AFG1L: variants seen among roughly 807,000 people sequenced by gnomAD.
AFG1L encodes AFG1 like ATPase.
AFG1L carries 53 observed loss-of-function variants against 62.2 expected under a neutral mutation model. The ratio of observed to expected loss-of-function variants is 0.85; its 90% confidence interval spans 0.68 to 1.07. The LOEUF (loss-of-function observed/expected upper bound fraction) is 1.07, where lower values mean the gene tolerates loss of function less well. Among genes scored for constraint, AFG1L ranks in the 50% least tolerant of loss-of-function variants. The pLI is 0.00. For synonymous variants in AFG1L, 228 were observed against 210.3 expected, an observed-to-expected ratio of 1.08 and a Z score of -0.73; for missense variants, 555 against 590.5, an observed-to-expected ratio of 0.94 and a Z score of 0.62.
intron 2 of AFG1L, among the ~76,000 whole-genome samples, chr6:108,327,827 C>A (rs1778114461): frequency 6.6e-6 from 1 of 152,204 alleles, no homozygotes; most frequent in Non-Finnish European, 1.5e-5. Flanking sequence ...GAGTAAGGAT[C>A]TCATAGGCCA....
At chr6:108,393,533 A>C (rs1781151206) in intron 6 of AFG1L, among the ~76,000 whole-genome samples, 1 of 152,144 alleles carries the variant, frequency 6.6e-6, no homozygotes, top group African/African-American at 2.4e-5. Flanking sequence ...TGTAAGACTT[A>C]AAGGCATTGG....
intron 1 of AFG1L, among the ~76,000 whole-genome samples, chr6:108,307,945 A>G (rs1383223454): frequency 1.3e-5 from 2 of 152,044 alleles, no homozygotes; most frequent in Non-Finnish European, 2.9e-5. Context: ...ACTTTTTTAT[A>G]TATTTACTGG....
intron 7 of AFG1L, among the ~76,000 whole-genome samples, chr6:108,441,678 A>G (rs1771551152): frequency 6.8e-6 from 1 of 147,388 alleles, no homozygotes; most frequent in Non-Finnish European, 1.5e-5. Context: ...AAGTGAATGA[A>G]ATCTGAAAAT....
intron 10 of AFG1L, among the ~76,000 whole-genome samples, chr6:108,484,239 T>C (rs757935746): frequency 6.6e-6 from 1 of 152,222 alleles, no homozygotes; most frequent in Non-Finnish European, 1.5e-5. Flanking sequence ...ATTGCTGATC[T>C]GTGTATGCTC....
At position 108,391,773 on chromosome 6, in the gene AFG1L, G is replaced by A. The variant is rs117675256; in HGVS notation, c.749-10223G>A. Among the ~76,000 whole-genome samples, 154 of 152,230 alleles carry A rather than the reference G, an allele frequency of 1.0e-3. 3 individuals are homozygous for A. The East Asian group carries it at 0.027, about 27-fold the overall frequency. On this transcript the variant is annotated intron_variant, in intron 6 of 12. Transcript: ENST00000368977. ...TTTTTTGGATGAAACATTTTAAAAA[G>A]CCATGCAACAGAATGCGTTTCTAGA... is the stretch of plus-strand genomic sequence containing the variant.
chr6:108,350,766 T>C (rs1260310148), intron 3 of AFG1L, among the ~76,000 whole-genome samples: 1 of 152,214 alleles, frequency 6.6e-6, no homozygotes. Flanking sequence ...TACATTTTGC[T>C]TATCAGCCCC....
At chr6:108,479,667 G>C (rs1773255551) in intron 10 of AFG1L, among the ~76,000 whole-genome samples, 1 of 152,192 alleles carries the variant, frequency 6.6e-6, no homozygotes, top group South Asian at 2.1e-4. Flanking sequence ...CTCAACTTCA[G>C]ATGTAGCCTA....
rs544578229 is a variant in AFG1L at position 108,481,189 on chromosome 6, T to C, written c.1062+3897T>C. On this transcript the variant is annotated intron_variant, in intron 10 of 12. Coordinates refer to ENST00000368977, the MANE Select transcript of AFG1L (RefSeq NM_145315.5). ...AAGTGTGGGAGGGTGGAGGAGAATA[T>C]GTTTGGGTGGTCTTTGTTCCCTGCC... 6.6e-5 allele frequency among the ~76,000 whole-genome samples: 10 copies of C among 152,276 alleles called. No homozygotes were observed. In the East Asian group the frequency reaches 1.9e-3, roughly 29 times the overall value.
At chr6:108,514,230 C>G (rs950136878) in intron 11 of AFG1L, among the ~76,000 whole-genome samples, 15 of 152,218 alleles carry the variant, frequency 9.9e-5, no homozygotes, top group African/African-American at 3.6e-4. Flanking sequence ...AGGAAGGCAG[C>G]TCCTCGCTAG....
At position 108,299,809 on chromosome 6, in the gene AFG1L, T is replaced by C. The variant is rs563320317; in HGVS notation, c.139+4591T>C. Among the ~76,000 whole-genome samples, 5 of 152,180 alleles carry C rather than the reference T, an allele frequency of 3.3e-5. No homozygotes were observed. The East Asian group carries it at 7.7e-4, about 24-fold the overall frequency. On this transcript the variant is annotated intron_variant, in intron 1 of 12. Coordinates refer to ENST00000368977, the MANE Select transcript of AFG1L (RefSeq NM_145315.5). ...AGAAAAGAAAAGAAAAAGCAAAAGC[T>C]GAGGGCTAGTGCTTGAGGAAACTTG... is the stretch of plus-strand genomic sequence containing the variant.
At chr6:108,363,396 G>A (rs1310555067) in intron 5 of AFG1L, among the ~76,000 whole-genome samples, 4 of 152,008 alleles carry the variant, frequency 2.6e-5, no homozygotes, top group South Asian at 4.1e-4. Context: ...TCAAGTAGGC[G>A]CATTTCAGTT....
chr6:108,501,779 G>A (rs1774215685), intron 10 of AFG1L, among the ~76,000 whole-genome samples: 1 of 152,114 alleles, frequency 6.6e-6, no homozygotes, highest in South Asian at 2.1e-4. Flanking sequence ...AATAATACAG[G>A]CATACCTTGG....
intron 12 of AFG1L, chr6:108,521,170 T>A (rs1775110373): frequency 6.6e-6 from 1 of 152,162 alleles, no homozygotes; most frequent in South Asian, 2.1e-4. Flanking sequence ...TGGTAAAGTT[T>A]ACATCATTGG....
chr6:108,378,993 CCTT>C (rs1251423731), intron 6 of AFG1L, among the ~76,000 whole-genome samples: 6 of 148,016 alleles, frequency 4.1e-5, no homozygotes, highest in Non-Finnish European at 6.0e-5. Flanking sequence ...TTCTCCTTCT[CCTT>C]CTTCTTTTTT....
At chr6:108,343,045 A>G (rs1459597424) in intron 2 of AFG1L, among the ~76,000 whole-genome samples, 1 of 151,492 alleles carries the variant, frequency 6.6e-6, no homozygotes, top group Non-Finnish European at 1.5e-5. Context: ...AGAAGAGAGG[A>G]CTGTGAGTGC....
At chr6:108,510,151 A>G in intron 10 of AFG1L, 61 bp from the exon 11 acceptor site, 2 of 1,337,996 alleles carry the variant, frequency 1.5e-6, no homozygotes, top group Non-Finnish European at 2.0e-6. Context: ...ACACTAAACC[A>G]CTCCAAAGGC....
At chr6:108,382,589 A>G (rs780292008) in intron 6 of AFG1L, among the ~76,000 whole-genome samples, 68 of 152,196 alleles carry the variant, frequency 4.5e-4, no homozygotes, top group Non-Finnish European at 8.8e-4. Flanking sequence ...ACATTTCTTC[A>G]TAGAATCACT....
At chr6:108,449,777 G>C (rs1771976449) in intron 8 of AFG1L, among the ~76,000 whole-genome samples, 1 of 152,042 alleles carries the variant, frequency 6.6e-6, no homozygotes, top group South Asian at 2.1e-4. Flanking sequence ...ACAGGCCCTG[G>C]TGTGTGATGT....
At chr6:108,519,033 G>C (rs760089288) in intron 11 of AFG1L, among the ~76,000 whole-genome samples, 2 of 152,200 alleles carry the variant, frequency 1.3e-5, no homozygotes, top group Non-Finnish European at 2.9e-5. Flanking sequence ...AAAATACCAT[G>C]GTCTGGGTAA....
Sources: allele counts gnomAD v4.1 joint callset (sites outside exome capture counted in the v4.1 genomes callset), GRCh38; gene constraint gnomAD v4.1.1; transcripts MANE v1.5; gene names NCBI Gene and HGNC (gene_info 2026-07-23, HGNC 2026-07-21).